Variants in RANBP2 observed in about 807,000 individuals in gnomAD.
RANBP2 encodes the protein RAN binding protein 2.
RANBP2 carries 57 observed loss-of-function variants against 303.6 expected under a neutral mutation model. The observed-to-expected ratio is 0.19, with a 90% CI of 0.15 to 0.23. The LOEUF (loss-of-function observed/expected upper bound fraction) is 0.23, where lower values mean the gene tolerates loss of function less well. Ranked by LOEUF, RANBP2 falls within the 10% of genes least tolerant of loss-of-function variation. The pLI is 1.00. For missense variants in RANBP2, 3,138 were observed against 3,780.8 expected (o/e 0.83, Z 4.46); for synonymous variants, 1,167 against 1,301.5 (o/e 0.90, Z 2.23).
the RANBP2 span, among the ~76,000 whole-genome samples, chr2:109,680,453 A>T: frequency 2.0e-5 from 3 of 152,136 alleles, no homozygotes; most frequent in Non-Finnish European, 2.9e-5. Flanking sequence ...AATGAGAGGG[A>T]AAAAATAATT....
At chr2:109,585,133 C>T in the RANBP2 span, 1 of 1,571,538 alleles carries the variant, frequency 6.4e-7, no homozygotes, top group Non-Finnish European at 8.6e-7. Context: ...TACCTCTCTT[C>T]TTTATTTATT....
intron 11 of RANBP2, 65 bp downstream of exon 11, chr2:108,751,768 C>T (rs1558902833): frequency 1.2e-5 from 19 of 1,611,710 alleles, no homozygotes; most frequent in Non-Finnish European, 1.6e-5. Context: ...ATTTAATCCT[C>T]ATGTGAAGAT....
the RANBP2 span, chr2:109,398,887 C>G: frequency 1.2e-6 from 2 of 1,613,670 alleles, no homozygotes; most frequent in Middle Eastern, 1.6e-4. Context: ...CAGCGATCCC[C>G]GAGCCGCGGC....
At chr2:109,001,281 C>T in the RANBP2 span, among the ~76,000 whole-genome samples, 1 of 152,222 alleles carries the variant, frequency 6.6e-6, no homozygotes, top group East Asian at 1.9e-4. Context: ...GGACCCTCAG[C>T]TGAGAAAGCT....
the RANBP2 span, among the ~76,000 whole-genome samples, chr2:109,440,024 G>A: frequency 3.4e-4 from 52 of 152,308 alleles, no homozygotes; most frequent in African/African-American, 1.3e-3. Flanking sequence ...AGGACAAATA[G>A]GAAGTGTCTG....
the RANBP2 span, among the ~76,000 whole-genome samples, chr2:109,297,636 C>T: frequency 6.6e-6 from 1 of 151,782 alleles, no homozygotes; most frequent in African/African-American, 2.4e-5. Flanking sequence ...AGGCCAGCCC[C>T]ATCCCACCAG....
the RANBP2 span, among the ~76,000 whole-genome samples, chr2:109,508,448 A>C: frequency 1.5e-3 from 232 of 152,260 alleles, 1 homozygote; most frequent in African/African-American, 4.4e-3. Context: ...TTGCCCTGGA[A>C]CCCCATGGCA....
At chr2:109,159,352 C>A in the RANBP2 span, among the ~76,000 whole-genome samples, 1 of 152,232 alleles carries the variant, frequency 6.6e-6, no homozygotes, top group African/African-American at 2.4e-5. Flanking sequence ...CCCTGCCCAG[C>A]CCCAGGGCGA....
At chr2:109,199,647 T>TCAACC in the RANBP2 span, among the ~76,000 whole-genome samples, 2 of 22 alleles carry the variant, frequency 0.091, 1 homozygote. Context: ...TGGAATGGAA[T>TCAACC]GGAATGGAAT....
the RANBP2 span, chr2:109,667,712 T>G: frequency 5.9e-6 from 1 of 170,430 alleles, no homozygotes; most frequent in Non-Finnish European, 1.3e-5. Context: ...TCAGCTGACA[T>G]GCCTGGATGG....
chr2:109,553,198 G>A, the RANBP2 span: 7 of 1,613,856 alleles, frequency 4.3e-6, no homozygotes, highest in Middle Eastern at 5.0e-4. Context: ...CATGTCTTTT[G>A]GCTTCATAGG....
chr2:109,129,848 G>T, the RANBP2 span: 1 of 1,530,794 alleles, frequency 6.5e-7, no homozygotes. Context: ...CTGGTGGGCT[G>T]CGGCGTGGAC....
At chr2:108,856,927 G>A in the RANBP2 span, 15 of 1,611,940 alleles carry the variant, frequency 9.3e-6, no homozygotes, top group Non-Finnish European at 1.2e-5. Context: ...AAGGACTCCT[G>A]TCTAATGTTA....
At chr2:109,207,811 A>G in the RANBP2 span, among the ~76,000 whole-genome samples, 73 of 152,264 alleles carry the variant, frequency 4.8e-4, no homozygotes, top group African/African-American at 1.7e-3. Flanking sequence ...AAATGGCACA[A>G]TTTTCTTTTT....
the RANBP2 span, among the ~76,000 whole-genome samples, chr2:109,145,707 C>T: frequency 4.6e-5 from 7 of 152,204 alleles, no homozygotes; most frequent in Admixed American, 3.9e-4. Flanking sequence ...TGGGTGTTCT[C>T]ACAGGTCAGG....
chr2:108,791,496 C>T, the RANBP2 span: 1 of 666,054 alleles, frequency 1.5e-6, no homozygotes, highest in Admixed American at 2.3e-5. Context: ...AGTGGGTTAT[C>T]AATGATCAGT....
At chr2:109,116,120 C>T in the RANBP2 span, among the ~76,000 whole-genome samples, 3 of 152,116 alleles carry the variant, frequency 2.0e-5, no homozygotes, top group Admixed American at 6.5e-5. Flanking sequence ...TGGAGTTGCT[C>T]TTCTCGAGGA....
the RANBP2 span, chr2:108,912,867 G>T: frequency 1.0e-6 from 1 of 968,096 alleles, no homozygotes. Context: ...GAATGGGCCT[G>T]AGGCAGTGAT....
the RANBP2 span, among the ~76,000 whole-genome samples, chr2:109,364,432 G>A: frequency 2.0e-5 from 3 of 152,258 alleles, no homozygotes; most frequent in East Asian, 1.9e-4. Context: ...TTTTGTATCC[G>A]TGATCTTTTA....
Sources: gnomAD v4.1 joint callset for allele counts (sites outside exome capture counted in the v4.1 genomes callset) on GRCh38, gnomAD v4.1.1 for gene constraint, MANE v1.5 for transcripts, NCBI Gene and HGNC (gene_info 2026-07-23, HGNC 2026-07-21) for gene names.